SPEF2: variants seen among roughly 807,000 people sequenced by gnomAD.
The protein encoded by SPEF2 is sperm flagellar and cilia associated 2, also known as sperm flagella and cilia-associated protein 2.
Under a neutral mutation model 224.6 loss-of-function variants are expected in SPEF2, and 187 were observed. The observed-to-expected ratio is 0.83, with a 90% CI of 0.74 to 0.94. The LOEUF is 0.94. Among genes scored for constraint, SPEF2 ranks in the 40% least tolerant of loss-of-function variants. The pLI is 0.00. For missense variants in SPEF2, 2,170 were observed against 2,135.6 expected, an observed-to-expected ratio of 1.02 and a Z score of -0.32; for synonymous variants, 715 against 707.3, an observed-to-expected ratio of 1.01 and a Z score of -0.17.
intron 20 of SPEF2, among the ~76,000 whole-genome samples, chr5:35,723,738 G>C (rs910910872): frequency 1.7e-4 from 26 of 152,194 alleles, no homozygotes; most frequent in Non-Finnish European, 3.1e-4. Flanking sequence ...CAAGGTGATG[G>C]AGGAAGTATG....
At chr5:35,722,754 C>T (rs937901437) in intron 20 of SPEF2, among the ~76,000 whole-genome samples, 8 of 147,126 alleles carry the variant, frequency 5.4e-5, no homozygotes, top group African/African-American at 1.5e-4. Flanking sequence ...TTTGTTCTTG[C>T]GATAGTTTAC....
rs1180010758 is a variant in SPEF2 at position 35,618,039 on chromosome 5, G to A, written c.42G>A (p.Lys14=). Reference sequence around the variant, plus strand: ...GCCAGTGGCTCAACAAGGAGTTGAAGGTGTCCCGGACCGTGAGTGAGTGAC... The same window carrying A: ...GCCAGTGGCTCAACAAGGAGTTGAAAGTGTCCCGGACCGTGAGTGAGTGAC... ...ILCQWLNKEL[K]VSRTVSPKSF... is the part of the protein sequence containing the mutation. The change falls in exon 1 of 37, where the codon AAG becomes AAA. Residue 14 remains lysine, a synonymous_variant. Transcript: ENST00000356031. The A allele has an allele frequency of 6.3e-7, 1 of 1,586,532 alleles. No homozygotes were observed. The highest frequency in any genetic ancestry group is 2.3e-5 in the East Asian group (1 of 43,568).
In SPEF2 at chr5:35,692,447, G is replaced by T. The variant is rs146702730; in HGVS notation, c.1745-123G>T. On this transcript the variant is annotated intron_variant, in intron 11 of 36. Coordinates refer to ENST00000356031, the MANE Select transcript of SPEF2 (RefSeq NM_024867.4). ...ACCAAACAAAACAAAAAAGAAACTT[G>T]ATCCAAAAGACTGTTCTAGCGGGCC... is the stretch of plus-strand genomic sequence containing the variant. 2.0e-3 allele frequency: 1,414 copies of T among 705,014 alleles called. 29 individuals carry two copies. The East Asian group carries it at 0.034, about 17-fold the overall frequency. 43.7% of individuals were successfully genotyped at this position (705,014 alleles called of 1,614,324 possible). A position where few individuals can be genotyped will look rare whatever the true frequency, so the allele number is the denominator to read the frequency against.
At chr5:35,695,264 G>A (rs1580318053) in intron 13 of SPEF2, among the ~76,000 whole-genome samples, 1 of 124,326 alleles carries the variant, frequency 8.0e-6, no homozygotes, top group African/African-American at 3.9e-5. Flanking sequence ...TAAAACTTCT[G>A]GTTTTTTTTT....
At chr5:35,724,748 C>T (rs1488858234) in intron 20 of SPEF2, among the ~76,000 whole-genome samples, 1 of 152,028 alleles carries the variant, frequency 6.6e-6, no homozygotes, top group Non-Finnish European at 1.5e-5. Context: ...AGAATAAGTA[C>T]ATGTGCAAAA....
intron 10 of SPEF2, among the ~76,000 whole-genome samples, chr5:35,683,619 C>T (rs1361010959): frequency 2.6e-5 from 4 of 152,130 alleles, no homozygotes; most frequent in Admixed American, 6.5e-5. Context: ...AGTGAGACTT[C>T]GTCTCAAAAC....
At chr5:35,745,330 C>A (rs964135934) in intron 23 of SPEF2, among the ~76,000 whole-genome samples, 48 of 152,064 alleles carry the variant, frequency 3.2e-4, no homozygotes, top group Non-Finnish European at 5.3e-4. Context: ...GGCCAGAGCT[C>A]GGGGGAGGGT....
chr5:35,725,376 G>A (rs1744455761), intron 20 of SPEF2, among the ~76,000 whole-genome samples: 1 of 151,992 alleles, frequency 6.6e-6, no homozygotes, highest in African/African-American at 2.4e-5. Context: ...AAGTCCTAGA[G>A]GATATATTTT....
At chr5:35,686,036 G>A (rs1178631369) in intron 10 of SPEF2, among the ~76,000 whole-genome samples, 1 of 151,970 alleles carries the variant, frequency 6.6e-6, no homozygotes, top group Non-Finnish European at 1.5e-5. Context: ...CCCCAAATGG[G>A]CATTGCTTAT....
intron 9 of SPEF2, among the ~76,000 whole-genome samples, chr5:35,668,796 T>C (rs1283795301): frequency 2.0e-5 from 3 of 152,126 alleles, no homozygotes; most frequent in African/African-American, 4.8e-5. Flanking sequence ...CTTCTATAGT[T>C]TTTTTCAAAA....
intron 30 of SPEF2, chr5:35,791,200 T>G (rs568248059): frequency 7.2e-5 from 11 of 152,328 alleles, no homozygotes; most frequent in Non-Finnish European, 1.3e-4. Flanking sequence ...CTCTCATGTC[T>G]ATAAAACTGG....
At chr5:35,717,015 C>T (rs1742703089) in intron 20 of SPEF2, among the ~76,000 whole-genome samples, 1 of 152,148 alleles carries the variant, frequency 6.6e-6, no homozygotes, top group Non-Finnish European at 1.5e-5. Context: ...ATTTCACCTC[C>T]TCTTGAACCC....
rs373047946 is a variant in SPEF2 at position 35,771,701 on chromosome 5, T to C, written c.3894T>C (p.Asn1298=). 112 of 1,600,538 alleles carry C rather than the reference T, an allele frequency of 7.0e-5. No homozygotes were observed. Among genetic ancestry groups the C allele is most frequent in the Non-Finnish European group, 8.5e-5 (100 of 1,176,392 alleles). Residue 1298 remains asparagine (N), a synonymous_variant, in exon 27 of 37, where the codon AAT becomes AAC. Coordinates refer to ENST00000356031, the MANE Select transcript of SPEF2 (RefSeq NM_024867.4). ...AAAAATCTCCTCAGATGGGTGCAAA[T>C]AAAAAAGTCAAAAAGGAGCCACCCA... ...PKEKSPQMGA[N]KKVKKEPPKK... is the part of the protein sequence containing the mutation.
At chr5:35,787,258 C>A (rs1017125732) in intron 30 of SPEF2, among the ~76,000 whole-genome samples, 3 of 133,266 alleles carry the variant, frequency 2.3e-5, no homozygotes, top group Non-Finnish European at 4.8e-5. Context: ...AAGCTTCACA[C>A]CCTTTTTTTT....
At chr5:35,709,422 A>G in intron 19 of SPEF2, 1 of 1,134,442 alleles carries the variant, frequency 8.8e-7, no homozygotes, top group Non-Finnish European at 1.1e-6. Flanking sequence ...CTTCAGGCAG[A>G]TCAAGAGGAT....
rs1379056825 is a variant in SPEF2, at chr5:35,618,376, T to C, written c.58+321T>C. ...GATGTGGTTCTAGGCAATCAGAGGG[T>C]TTAGGAAGGTCTCCTTTGCTTCTGT... is the stretch of plus-strand genomic sequence containing the variant. On this transcript the variant is annotated intron_variant, in intron 1 of 36. Coordinates refer to ENST00000356031, the MANE Select transcript of SPEF2 (RefSeq NM_024867.4). Among the ~76,000 whole-genome samples, 3 of 152,080 alleles carry C rather than the reference T, an allele frequency of 2.0e-5. No homozygotes were observed. In the East Asian group the frequency reaches 5.8e-4, roughly 29 times the overall value.
Position 35,659,183 on chromosome 5 carries a change from CCA to C in SPEF2, c.1144_1145del (p.Gln382GlyfsTer4), listed in dbSNP as rs1441086058. 2.5e-6 allele frequency: 4 copies of C among 1,610,478 alleles called. No homozygotes were observed. Among genetic ancestry groups the C allele is most frequent in the Non-Finnish European group, 3.4e-6 (4 of 1,177,978 alleles). ...QHEERRLKDF[Q>X]DALDREAALA... The stretch of plus-strand genomic sequence containing the variant: ...ATGAGGAAAGACGACTTAAAGATTT[CCA>C]GGATGCTCTTGATCGAGAAGCGGTA... On this transcript the variant is annotated frameshift_variant, in exon 8 of 37. Coordinates refer to ENST00000356031, the MANE Select transcript of SPEF2 (RefSeq NM_024867.4). LOFTEE classifies it high-confidence loss of function.
At chr5:35,722,629 T>A (rs1451292173) in intron 20 of SPEF2, among the ~76,000 whole-genome samples, 1 of 70,350 alleles carries the variant, frequency 1.4e-5, no homozygotes. Flanking sequence ...ATGCTATCCC[T>A]CCCCCCTCCC....
chr5:35,806,592 G>T (rs1758090092), intron 34 of SPEF2, 115 bp from the exon 35 acceptor site: 1 of 1,328,764 alleles, frequency 7.5e-7, no homozygotes, highest in African/African-American at 1.5e-5. Flanking sequence ...CTAGTTTGTG[G>T]TAGGCTCTGT....
Sources: allele counts gnomAD v4.1 joint callset (sites outside exome capture counted in the v4.1 genomes callset), GRCh38; gene constraint gnomAD v4.1.1; transcripts MANE v1.5; gene names NCBI Gene and HGNC (gene_info 2026-07-23, HGNC 2026-07-21).